The following RNF103 variants were observed in gnomAD, a reference collection of about 807,000 sequenced individuals.
The protein encoded by RNF103 is E3 ubiquitin-protein ligase RNF103.
In RNF103, 23 loss-of-function variants were observed where a neutral mutation model predicts 66.2. The observed-to-expected ratio is 0.35, with a 90% confidence interval of 0.25 to 0.49. RNF103 has a LOEUF of 0.49. Among genes scored for constraint, RNF103 ranks in the 20% least tolerant of loss-of-function variants. The pLI is 0.98. For missense variants in RNF103, 730 were observed against 814.7 expected (o/e 0.90, Z 1.27); for synonymous variants, 297 against 289.9 (o/e 1.02, Z -0.25).
At chr2:86,606,978 T>G (rs1174158956) in intron 3 of RNF103, among the ~76,000 whole-genome samples, 1 of 152,110 alleles carries the variant, frequency 6.6e-6, no homozygotes, top group African/African-American at 2.4e-5. Context: ...AGTTGGGGTC[T>G]CACCATGTCG....
intron 3 of RNF103, among the ~76,000 whole-genome samples, chr2:86,611,599 T>G (rs1373060264): frequency 2.6e-5 from 4 of 152,066 alleles, no homozygotes; most frequent in Non-Finnish European, 4.4e-5. Context: ...GGATTCTTAT[T>G]TGAGAAAATG....
At chr2:86,613,901 C>A (rs1262684424) in intron 2 of RNF103, 1 of 152,070 alleles carries the variant, frequency 6.6e-6, no homozygotes, top group African/African-American at 2.4e-5. Context: ...TACATATACA[C>A]AATTTAGGGC....
chr2:86,623,785 C>A lies in RNF103; in HGVS notation c.-899G>T, dbSNP rs1167794043. Reference sequence around the variant, plus strand: ...CCGGTCGCAGCACCCGTCCCCAACACCCCCGCCACCTCCGGAGACCGCGGC... The same window carrying A: ...CCGGTCGCAGCACCCGTCCCCAACAACCCCGCCACCTCCGGAGACCGCGGC... On this transcript the variant is annotated 5_prime_UTR_variant, in exon 1 of 4. Coordinates refer to ENST00000237455, the MANE Select transcript of RNF103 (RefSeq NM_005667.4). The A allele has an allele frequency of 1.6e-6, 2 of 1,282,802 alleles. No individual in the cohort carries two copies. The highest frequency in any genetic ancestry group is 1.2e-5 in the South Asian group (1 of 80,470). 79.5% of individuals were successfully genotyped at this position (1,282,802 alleles called of 1,614,324 possible). A position where few individuals can be genotyped will look rare whatever the true frequency, so the allele number is the denominator to read the frequency against.
At position 86,612,238 on chromosome 2, in the gene RNF103, T is replaced by C; in HGVS notation, c.403A>G (p.Ile135Val). The change falls in exon 3 of 4, where the codon ATT (isoleucine) becomes GTT (valine). Residue 135 changes from isoleucine to valine, a missense_variant. By Grantham distance (29) the Ile-to-Val change is conservative (BLOSUM62 3). This residue lies in a region of RNF103 where 327 missense variants were observed against 369.8 expected (regional missense o/e 0.88). Coordinates refer to ENST00000237455, the MANE Select transcript of RNF103 (RefSeq NM_005667.4). ...ANDRSPLVGK[I>V]HWEKMVKKVS... ...TTTTTAACCATTTTCTCCCAGTGAA[T>C]TTTGCCCACCAAGGGACTTCTGTCA... 1 of 1,613,598 alleles carries C rather than the reference T, an allele frequency of 6.2e-7. No homozygotes were observed. The highest frequency in any genetic ancestry group is 8.5e-7 in the Non-Finnish European group (1 of 1,179,782).
chr2:86,622,984 C>G lies in RNF103; in HGVS notation c.-98G>C. ...GGCTCGGTGGCAGCTTGGGCGAGGG[C>G]CCCGTGTCCACGCGCGGGCCACCCG... On this transcript the variant is annotated 5_prime_UTR_variant, in exon 1 of 4. Transcript: ENST00000237455. 7.0e-7 allele frequency: 1 copy of G among 1,425,912 alleles called. No homozygotes were observed. Among genetic ancestry groups the G allele is most frequent in the Non-Finnish European group, 9.2e-7 (1 of 1,092,430 alleles). The allele number at this position is 1,425,912 out of a possible 1,614,324, so 88.3% of individuals were successfully genotyped here. A position where few individuals can be genotyped will look rare whatever the true frequency, so the allele number is the denominator to read the frequency against.
chr2:86,608,579 T>C (rs80138063), intron 3 of RNF103, among the ~76,000 whole-genome samples: 1,954 of 151,938 alleles, frequency 0.013, 43 homozygotes, highest in African/African-American at 0.043. Context: ...ACAAGGTCAT[T>C]GGCCTCCTTG....
chr2:86,616,514 T>C (rs940758141), intron 2 of RNF103: 1 of 985,122 alleles, frequency 1.0e-6, no homozygotes. Flanking sequence ...TGGCTTGCTA[T>C]GTGCTTCACC....
chr2:86,620,362 C>T lies in RNF103; in HGVS notation c.334G>A (p.Glu112Lys). ...AGCCAGATGCCATCTTTTGTGTCTT[C>T]CACAAGCTCATAGAAGTGCATTTCA... is the stretch of plus-strand genomic sequence containing the variant. ...SGEMHFYELV[E>K]DTKDGIWLVQ... The change falls in exon 2 of 4, where the codon GAA becomes AAA. Residue 112 changes from glutamate to lysine, a missense_variant. This residue lies in a region of RNF103 where 327 missense variants were observed against 369.8 expected (regional missense o/e 0.88). Transcript: ENST00000237455. The T allele has an allele frequency of 6.2e-7, 1 of 1,606,578 alleles. No homozygotes were observed. The highest frequency in any genetic ancestry group is 1.1e-5 in the South Asian group (1 of 90,372).
chr2:86,604,364 G>T lies in RNF103; in HGVS notation c.1537C>A (p.Pro513Thr), dbSNP rs1198611257. ...LIPTDYIKNL[P>T]MWRFKCLGVQ... Reference sequence around the variant, plus strand: ...CCAAGACATTTAAATCGCCACATTGGTAAGTTTTTAATATAATCAGTTGGT... The same window carrying T: ...CCAAGACATTTAAATCGCCACATTGTTAAGTTTTTAATATAATCAGTTGGT... The change falls in exon 4 of 4, where the codon CCA becomes ACA. Residue 513 changes from proline (P) to threonine (T), a missense_variant. This residue lies in a region of RNF103 where 355 missense variants were observed against 351.9 expected (regional missense o/e 1.01). Transcript: ENST00000237455. 10 of 1,614,076 alleles carry T rather than the reference G, an allele frequency of 6.2e-6. No homozygotes were observed. The highest frequency in any genetic ancestry group is 2.2e-5 in the East Asian group (1 of 44,904).
chr2:86,605,315 T>C lies in RNF103; in HGVS notation c.586A>G (p.Lys196Glu), dbSNP rs1471529357. The change falls in exon 4 of 4, where the codon AAG becomes GAG. Residue 196 changes from lysine (K) to glutamate (E), a missense_variant. By Grantham distance (56) the Lys-to-Glu change is moderately conservative (BLOSUM62 1). Coordinates refer to ENST00000237455, the MANE Select transcript of RNF103 (RefSeq NM_005667.4). ...KVMLKEYSGR[K>E]IEVEHIFKWI... ...TTAAAAATGTGCTCTACTTCAATCT[T>C]GCGTCCACTGTATTCTTTAAGCATG... 1 of 1,614,100 alleles carries C rather than the reference T, an allele frequency of 6.2e-7. No individual in the cohort carries two copies. Among genetic ancestry groups the C allele is most frequent in the Non-Finnish European group, 8.5e-7 (1 of 1,180,038 alleles).
At chr2:86,611,080 G>A (rs759163316) in intron 3 of RNF103, among the ~76,000 whole-genome samples, 9 of 151,742 alleles carry the variant, frequency 5.9e-5, no homozygotes, top group Non-Finnish European at 1.3e-4. Context: ...GAATGCTGAG[G>A]TGGGAAGATC....
intron 3 of RNF103, 23 bp from the exon 4 acceptor site, chr2:86,605,441 T>C (rs1241171266): frequency 6.4e-7 from 1 of 1,569,284 alleles, no homozygotes; most frequent in South Asian, 1.2e-5. Flanking sequence ...AAACTGTAAA[T>C]AAACAGCTAG....
rs1033281094 is a variant in RNF103, at chr2:86,623,455, G to C, written c.-569C>G. 2.4e-4 allele frequency: 233 copies of C among 982,134 alleles called. 1 individual carries two copies. The African/African-American group carries it at 3.7e-3, about 16-fold the overall frequency. 60.8% of individuals were successfully genotyped at this position (982,134 alleles called of 1,614,324 possible). On this transcript the variant is annotated 5_prime_UTR_variant, in exon 1 of 4. Coordinates refer to ENST00000237455, the MANE Select transcript of RNF103 (RefSeq NM_005667.4). ...GCCCGGGGCCCAGCGTGTTCTGCGC[G>C]GGGAGGAGCGGCCGCCGCAACGCCG...
At chr2:86,615,651 A>G (rs772120509) in intron 2 of RNF103, among the ~76,000 whole-genome samples, 1 of 151,912 alleles carries the variant, frequency 6.6e-6, no homozygotes, top group East Asian at 1.9e-4. Flanking sequence ...TGGTCTCATT[A>G]AAAGGGGAGA....
At chr2:86,610,872 G>A (rs773988576) in intron 3 of RNF103, among the ~76,000 whole-genome samples, 2 of 152,088 alleles carry the variant, frequency 1.3e-5, no homozygotes, top group Non-Finnish European at 2.9e-5. Flanking sequence ...GGTAAATGAC[G>A]AATGGAGATC....
At chr2:86,622,562 C>T (rs1247677969) in intron 1 of RNF103, 99 bp downstream of exon 1, 3 of 1,205,252 alleles carry the variant, frequency 2.5e-6, no homozygotes, top group Non-Finnish European at 2.4e-6. Flanking sequence ...TTAACGCTTC[C>T]AGGAAAGGCC....
chr2:86,609,968 G>A, intron 3 of RNF103, among the ~76,000 whole-genome samples: 1 of 152,234 alleles, frequency 6.6e-6, no homozygotes, highest in Non-Finnish European at 1.5e-5. Flanking sequence ...TTGAAATTCT[G>A]AACACTCTTC....
In RNF103 at chr2:86,623,700, C is replaced by T; in HGVS notation, c.-814G>A. 8.1e-7 allele frequency: 1 copy of T among 1,239,500 alleles called. No individual in the cohort carries two copies. The highest frequency in any genetic ancestry group is 1.0e-6 in the Non-Finnish European group (1 of 967,316). 76.8% of individuals were successfully genotyped at this position (1,239,500 alleles called of 1,614,324 possible). On this transcript the variant is annotated 5_prime_UTR_variant, in exon 1 of 4. Transcript: ENST00000237455. ...ATAATAGGCCCCGAGACTGCTCCTCCAGGCGGCTACCCGGCTGCCTCCCGG... is the reference window on the plus strand; with the variant it reads ...ATAATAGGCCCCGAGACTGCTCCTCTAGGCGGCTACCCGGCTGCCTCCCGG...
chr2:86,621,647 T>C (rs1573372614), intron 1 of RNF103, among the ~76,000 whole-genome samples: 1 of 152,180 alleles, frequency 6.6e-6, no homozygotes, highest in South Asian at 2.1e-4. Flanking sequence ...CTCATACTCT[T>C]GTCTATCACG....
Sources: gnomAD v4.1 joint callset for allele counts (sites outside exome capture counted in the v4.1 genomes callset) on GRCh38, gnomAD v4.1.1 for gene constraint, gnomAD v4.1.1 regional missense constraint, MANE v1.5 for transcripts, NCBI Gene and HGNC (gene_info 2026-07-23, HGNC 2026-07-21) for gene names.